The following ARHGEF7 variants were observed in gnomAD, a reference collection of about 807,000 sequenced individuals.
The protein encoded by ARHGEF7 is Rho guanine nucleotide exchange factor 7.
Under a neutral mutation model 109.8 loss-of-function variants are expected in ARHGEF7, and 33 were observed. That is an observed-to-expected ratio of 0.30 (90% CI 0.23 to 0.40). ARHGEF7 has a LOEUF of 0.40. Ranked by LOEUF, ARHGEF7 falls within the 10% of genes least tolerant of loss-of-function variation. The probability of loss-of-function intolerance (pLI) is 1.00; values close to 1 mark genes in which losing one functional copy is unlikely to be tolerated. For missense variants in ARHGEF7, 938 were observed against 1,098.5 expected, an observed-to-expected ratio of 0.85 and a Z score of 2.07; for synonymous variants, 458 against 424.6, an observed-to-expected ratio of 1.08 and a Z score of -0.97.
intron 1 of ARHGEF7, among the ~76,000 whole-genome samples, chr13:111,151,571 T>C (rs926088401): frequency 4.6e-5 from 7 of 152,368 alleles, no homozygotes; most frequent in East Asian, 1.9e-4. Context: ...TCACACACTA[T>C]AGATGTTACT....
At chr13:111,248,696 T>TA (rs1433587238) in intron 8 of ARHGEF7, among the ~76,000 whole-genome samples, 3 of 152,196 alleles carry the variant, frequency 2.0e-5, no homozygotes, top group Non-Finnish European at 4.4e-5. Flanking sequence ...TTGTTTCGCT[T>TA]AAAAAAAGTG....
intron 6 of ARHGEF7, among the ~76,000 whole-genome samples, chr13:111,242,745 G>C (rs764993953): frequency 1.3e-5 from 2 of 152,234 alleles, no homozygotes; most frequent in African/African-American, 4.8e-5. Flanking sequence ...TGGGGCCGCT[G>C]TCTGGCTCTG....
chr13:111,215,616 G>C (rs1279884293), intron 4 of ARHGEF7, among the ~76,000 whole-genome samples: 1 of 152,168 alleles, frequency 6.6e-6, no homozygotes, highest in Non-Finnish European at 1.5e-5. Context: ...CTAATATTTT[G>C]TTTTCGAGAA....
In ARHGEF7 at chr13:111,131,823, C is replaced by T. The variant is rs1431923727; in HGVS notation, c.165+16132C>T. Among the ~76,000 whole-genome samples the T allele has an allele frequency of 2.6e-5, 4 of 152,296 alleles. No individual in the cohort carries two copies. The highest frequency in any genetic ancestry group is 1.9e-4 in the East Asian group (1 of 5,178). On this transcript the variant is annotated intron_variant, in intron 1 of 21. Coordinates refer to ENST00000646102, the MANE Select transcript of ARHGEF7 (RefSeq NM_001354046.2). This position sits in a 1 kb window ranked among gnomAD's most constrained non-coding sequence, Gnocchi z 4.4. ...TGTTCTAGGACAACTGGCCAGCACACACCCAGAGCCCACATACTGGAGCAA... is the reference window on the plus strand; with the variant it reads ...TGTTCTAGGACAACTGGCCAGCACATACCCAGAGCCCACATACTGGAGCAA...
At position 111,249,736 on chromosome 13, in the gene ARHGEF7, G is replaced by T. The variant is rs184749734; in HGVS notation, c.950+5442G>T. On this transcript the variant is annotated intron_variant, in intron 8 of 21. Coordinates refer to ENST00000646102, the MANE Select transcript of ARHGEF7 (RefSeq NM_001354046.2). ...GACATATGTTCTGATAGATTTAGGG[G>T]CTCACAAGAAATCTCCTTGTGAGCA... is the stretch of plus-strand genomic sequence containing the variant. Among the ~76,000 whole-genome samples, 6 of 152,234 alleles carry T rather than the reference G, an allele frequency of 3.9e-5. No individual in the cohort carries two copies. The East Asian group carries it at 1.2e-3, about 29-fold the overall frequency.
intron 2 of ARHGEF7, among the ~76,000 whole-genome samples, chr13:111,191,348 T>C (rs2079866719): frequency 6.6e-6 from 1 of 152,140 alleles, no homozygotes; most frequent in Admixed American, 6.5e-5. Context: ...TAAGATGGTA[T>C]TCATAGTAAC....
intron 12 of ARHGEF7, 115 bp downstream of exon 12, chr13:111,275,793 A>G (rs2092441862): frequency 1.5e-6 from 2 of 1,333,508 alleles, no homozygotes; most frequent in South Asian, 1.2e-5. Flanking sequence ...GCTCTATCTT[A>G]TAATTTGTGA....
chr13:111,138,322 CA>C (rs368194250), intron 1 of ARHGEF7, among the ~76,000 whole-genome samples: 2 of 149,738 alleles, frequency 1.3e-5, no homozygotes, highest in African/African-American at 4.9e-5. Context: ...TCAAAAAAAA[CA>C]AAAAAAAATT....
chr13:111,256,108 G>A (rs535767094), intron 8 of ARHGEF7, among the ~76,000 whole-genome samples: 119 of 152,312 alleles, frequency 7.8e-4, no homozygotes, highest in African/African-American at 2.7e-3. Flanking sequence ...ACAACCAAAT[G>A]TGTCTTTAGT....
chr13:111,213,545 T>A (rs113144499), intron 4 of ARHGEF7, among the ~76,000 whole-genome samples: 22 of 152,302 alleles, frequency 1.4e-4, no homozygotes, highest in African/African-American at 4.3e-4. Context: ...TGTCTGATGG[T>A]GAAGATGAGT....
chr13:111,153,498 C>A, intron 1 of ARHGEF7: 1 of 435,602 alleles, frequency 2.3e-6, no homozygotes, highest in Non-Finnish European at 3.1e-6. Flanking sequence ...AACCGGTGGG[C>A]TCCCTCTACC....
At chr13:111,220,975 T>C (rs898781319) in intron 5 of ARHGEF7, among the ~76,000 whole-genome samples, 2 of 150,272 alleles carry the variant, frequency 1.3e-5, no homozygotes. Context: ...TAGATAGATA[T>C]ATAGATATGA....
Position 111,274,360 on chromosome 13 carries a change from ACT to A in ARHGEF7, c.1213-366_1213-365del, listed in dbSNP as rs143509081. Among the ~76,000 whole-genome samples, 152 of 152,226 alleles carry A rather than the reference ACT, an allele frequency of 1.0e-3. 4 individuals carry two copies. In the East Asian group the frequency reaches 0.029, roughly 29 times the overall value. Reference sequence around the variant, plus strand: ...CCTAGCAGAAATTTGGGTTGAAGTTACTCTCTTGGCTTGAGTTGGCAAACCTT... The same window carrying A: ...CCTAGCAGAAATTTGGGTTGAAGTTACTCTTGGCTTGAGTTGGCAAACCTT... On this transcript the variant is annotated intron_variant, in intron 10 of 21. Transcript: ENST00000646102.
At chr13:111,174,924 G>A (rs1353585482) in intron 2 of ARHGEF7, among the ~76,000 whole-genome samples, 1 of 152,214 alleles carries the variant, frequency 6.6e-6, no homozygotes, top group East Asian at 1.9e-4. Flanking sequence ...CGTGTCGGGT[G>A]AAACCTAAAA....
At chr13:111,247,214 T>A (rs2089016071) in intron 8 of ARHGEF7, among the ~76,000 whole-genome samples, 1 of 152,222 alleles carries the variant, frequency 6.6e-6, no homozygotes, top group African/African-American at 2.4e-5. Flanking sequence ...TATGTGAAAT[T>A]TCTGTACCAT....
chr13:111,241,882 G>A (rs1416438755), intron 6 of ARHGEF7, among the ~76,000 whole-genome samples: 3 of 152,108 alleles, frequency 2.0e-5, no homozygotes, highest in Non-Finnish European at 2.9e-5. Context: ...TTTCTGATAC[G>A]TCTGTGACAG....
chr13:111,305,356 C>T lies in ARHGEF7; in HGVS notation c.*2243C>T, dbSNP rs1453142637. On this transcript the variant is annotated 3_prime_UTR_variant, in exon 22 of 22. Coordinates refer to ENST00000646102, the MANE Select transcript of ARHGEF7 (RefSeq NM_001354046.2). Reference sequence around the variant, plus strand: ...TTGATATAAACGTTTAAAGGGGCCACGATTTGCCCGAGGGTTACTCCTTTG... The same window carrying T: ...TTGATATAAACGTTTAAAGGGGCCATGATTTGCCCGAGGGTTACTCCTTTG... 2 of 152,248 alleles carry T rather than the reference C, an allele frequency of 1.3e-5. No homozygotes were observed. The highest frequency in any genetic ancestry group is 6.5e-5 in the Admixed American group (1 of 15,284). 9.4% of individuals were successfully genotyped at this position (152,248 alleles called of 1,614,324 possible).
intron 17 of ARHGEF7, among the ~76,000 whole-genome samples, chr13:111,287,919 G>A (rs1395286775): frequency 6.6e-6 from 1 of 152,208 alleles, no homozygotes; most frequent in African/African-American, 2.4e-5. Context: ...GAGAGTTGTC[G>A]GCCTTTTGTT....
rs113165899 is a variant in ARHGEF7 at position 111,273,163 on chromosome 13, C to T, written c.1074-651C>T. ...TAACAATGCTTTTGAAGTTCTAAAGCGTAAATCAACATTCGCTGTCTGCAC... is the reference window on the plus strand; with the variant it reads ...TAACAATGCTTTTGAAGTTCTAAAGTGTAAATCAACATTCGCTGTCTGCAC... On this transcript the variant is annotated intron_variant, in intron 9 of 21. Coordinates refer to ENST00000646102, the MANE Select transcript of ARHGEF7 (RefSeq NM_001354046.2). The surrounding 1 kb of genome is among the most constrained non-coding windows in gnomAD (Gnocchi z 4.5). Among the ~76,000 whole-genome samples, 22 of 152,292 alleles carry T rather than the reference C, an allele frequency of 1.4e-4. No individual in the cohort carries two copies. The highest frequency in any genetic ancestry group is 5.3e-4 in the African/African-American group (22 of 41,556).
Sources: gnomAD v4.1 joint callset for allele counts (sites outside exome capture counted in the v4.1 genomes callset) on GRCh38, gnomAD v4.1.1 for gene constraint, Gnocchi (gnomAD v3.1) non-coding constraint, MANE v1.5 for transcripts, NCBI Gene and HGNC (gene_info 2026-07-23, HGNC 2026-07-21) for gene names.